Variants in SORCS2 observed in about 807,000 individuals in gnomAD.
SORCS2 encodes the protein VPS10 domain-containing receptor SorCS2.
A neutral mutation model predicts 141.6 loss-of-function variants in SORCS2; 100 were observed. The ratio of observed to expected loss-of-function variants is 0.71; its 90% CI spans 0.60 to 0.83. The LOEUF (loss-of-function observed/expected upper bound fraction) is 0.83. Ranked by LOEUF, SORCS2 falls within the 40% of genes least tolerant of loss-of-function variation. The pLI, the probability that SORCS2 is intolerant of heterozygous loss-of-function variation, is 0.00. For missense variants in SORCS2, 1,646 were observed against 1,560.2 expected, an observed-to-expected ratio of 1.05 and a Z score of -0.93; for synonymous variants, 789 against 676.9, an observed-to-expected ratio of 1.17 and a Z score of -2.57.
chr4:7,693,689 G>A (rs932285863), intron 11 of SORCS2, among the ~76,000 whole-genome samples: 8 of 152,262 alleles, frequency 5.3e-5, no homozygotes, highest in South Asian at 2.1e-4. Context: ...TGAGGGGGCC[G>A]TTTGGGAGCT....
chr4:7,659,934 T>G (rs1426643212), intron 5 of SORCS2, among the ~76,000 whole-genome samples: 1 of 152,214 alleles, frequency 6.6e-6, no homozygotes, highest in African/African-American at 2.4e-5. Context: ...AGAACCTGGG[T>G]AGTGGATCTT....
At chr4:7,639,984 A>G (rs953185779) in intron 4 of SORCS2, among the ~76,000 whole-genome samples, 2 of 148,712 alleles carry the variant, frequency 1.3e-5, no homozygotes, top group Non-Finnish European at 3.0e-5. Context: ...TGTAGATGTG[A>G]GCACGTGTGC....
At chr4:7,546,107 C>T (rs1434965053) in intron 3 of SORCS2, among the ~76,000 whole-genome samples, 1 of 152,216 alleles carries the variant, frequency 6.6e-6, no homozygotes, top group African/African-American at 2.4e-5. Flanking sequence ...AATCCCATCA[C>T]CTTGGGATTA....
At chr4:7,687,130 C>A (rs550341587) in intron 10 of SORCS2, among the ~76,000 whole-genome samples, 20 of 152,300 alleles carry the variant, frequency 1.3e-4, no homozygotes, top group African/African-American at 4.6e-4. Flanking sequence ...GGAGACCAAC[C>A]CATGAGCTCT....
chr4:7,388,542 T>C (rs1168512896), intron 1 of SORCS2, among the ~76,000 whole-genome samples: 1 of 152,182 alleles, frequency 6.6e-6, no homozygotes, highest in African/African-American at 2.4e-5. Context: ...TCCCTCCTGT[T>C]ATCCCTCCCC....
chr4:7,281,020 C>T (rs920828288), intron 1 of SORCS2, among the ~76,000 whole-genome samples: 2 of 152,152 alleles, frequency 1.3e-5, no homozygotes, highest in African/African-American at 4.8e-5. Context: ...TGAGTACAGC[C>T]CTGCCACACC....
chr4:7,418,410 C>A (rs1725831533), intron 2 of SORCS2, among the ~76,000 whole-genome samples: 1 of 152,108 alleles, frequency 6.6e-6, no homozygotes, highest in African/African-American at 2.4e-5. Flanking sequence ...CAGGATGAAT[C>A]TAAGTTAGCC....
intron 1 of SORCS2, among the ~76,000 whole-genome samples, chr4:7,374,912 G>T (rs925732585): frequency 6.6e-6 from 1 of 152,154 alleles, no homozygotes; most frequent in Non-Finnish European, 1.5e-5. Flanking sequence ...GCCTGGAGCT[G>T]GGCTGGAGCT....
intron 5 of SORCS2, among the ~76,000 whole-genome samples, chr4:7,656,700 G>A (rs77814785): frequency 1.2e-4 from 19 of 152,304 alleles, no homozygotes; most frequent in African/African-American, 4.6e-4. Flanking sequence ...TCAGCCCCAC[G>A]CTCACCCAGG....
intron 1 of SORCS2, among the ~76,000 whole-genome samples, chr4:7,262,424 A>G (rs1395148401): frequency 7.5e-6 from 1 of 133,648 alleles, no homozygotes; most frequent in East Asian, 2.2e-4. Flanking sequence ...CCATCCATCC[A>G]TCCATCCATG....
At chr4:7,441,657 T>TTC (rs1727674436) in intron 2 of SORCS2, among the ~76,000 whole-genome samples, 1 of 39,412 alleles carries the variant, frequency 2.5e-5, no homozygotes, top group African/African-American at 1.0e-4. Context: ...CCCCCTCCCC[T>TTC]AGCCCAGATC....
chr4:7,724,612 C>A lies in SORCS2; in HGVS notation c.2612-542C>A, dbSNP rs372901911. 3.4e-3 allele frequency among the ~76,000 whole-genome samples: 157 copies of A among 45,748 alleles called. 11 individuals carry two copies. Among genetic ancestry groups the A allele is most frequent in the Non-Finnish European group, 5.3e-3 (130 of 24,726 alleles). 30.0% of individuals were successfully genotyped at this position (45,748 alleles called of 152,430 possible). A position where few individuals can be genotyped will look rare whatever the true frequency, so the allele number is the denominator to read the frequency against. On this transcript the variant is annotated intron_variant, in intron 19 of 26. Coordinates refer to ENST00000507866, the MANE Select transcript of SORCS2 (RefSeq NM_020777.3). ...GGTGTTGGTGATGGTGGTGATAGTG[C>A]TGGTGAGGATGGTGATGGTGGTGAT...
In SORCS2 at chr4:7,285,570, G is replaced by A. The variant is rs1043571861; in HGVS notation, c.480+92444G>A. Among the ~76,000 whole-genome samples the A allele has an allele frequency of 2.6e-5, 4 of 152,250 alleles. No homozygotes were observed. In the East Asian group the frequency reaches 7.7e-4, roughly 29 times the overall value. On this transcript the variant is annotated intron_variant, in intron 1 of 26. Coordinates refer to ENST00000507866, the MANE Select transcript of SORCS2 (RefSeq NM_020777.3). Reference sequence around the variant, plus strand: ...TCCCTGGAAGACATGGCCTCTGCCAGCCAAGGCGCGAGCCCCTCCTTCCCA... The same window carrying A: ...TCCCTGGAAGACATGGCCTCTGCCAACCAAGGCGCGAGCCCCTCCTTCCCA...
rs190884528 is a variant in SORCS2 at position 7,588,306 on chromosome 4, G to A, written c.649-50022G>A. Among the ~76,000 whole-genome samples the A allele has an allele frequency of 6.7e-4, 102 of 152,292 alleles. 1 individual carries two copies. Among genetic ancestry groups the A allele is most frequent in the South Asian group, 4.8e-3 (23 of 4,824 alleles). On this transcript the variant is annotated intron_variant, in intron 3 of 26. Transcript: ENST00000507866. ...TGCCCTTGGTTTTCTTGAGGCTGAT[G>A]GAACTTTCATGCGGTTGTTGGTTTT... is the stretch of plus-strand genomic sequence containing the variant.
chr4:7,709,221 G>A (rs558215331), intron 14 of SORCS2, among the ~76,000 whole-genome samples: 9 of 152,292 alleles, frequency 5.9e-5, no homozygotes, highest in Admixed American at 2.0e-4. Flanking sequence ...GGGTGAGGGC[G>A]GCCCTTACTC....
chr4:7,299,193 G>T (rs566518661), intron 1 of SORCS2, among the ~76,000 whole-genome samples: 32 of 152,384 alleles, frequency 2.1e-4, no homozygotes, highest in African/African-American at 7.2e-4. Context: ...GGGGCTGGGG[G>T]TGGGCCCCCT....
intron 2 of SORCS2, among the ~76,000 whole-genome samples, chr4:7,490,834 G>A (rs1731272694): frequency 6.6e-6 from 1 of 152,060 alleles, no homozygotes; most frequent in African/African-American, 2.4e-5. Context: ...ACTCCTCCCA[G>A]GCCTGCTTCT....
chr4:7,305,322 C>T (rs545952345), intron 1 of SORCS2, among the ~76,000 whole-genome samples: 7 of 148,046 alleles, frequency 4.7e-5, no homozygotes, highest in Middle Eastern at 3.5e-3. Flanking sequence ...TGAGCCACCA[C>T]GCACGGCCCA....
intron 2 of SORCS2, among the ~76,000 whole-genome samples, chr4:7,494,465 C>T (rs1452157843): frequency 6.6e-6 from 1 of 151,944 alleles, no homozygotes; most frequent in African/African-American, 2.4e-5. Context: ...TGGTGTGGGC[C>T]TCTTCCTGGC....
Sources: gnomAD v4.1 joint callset for allele counts (sites outside exome capture counted in the v4.1 genomes callset) on GRCh38, gnomAD v4.1.1 for gene constraint, MANE v1.5 for transcripts, NCBI Gene and HGNC (gene_info 2026-07-23, HGNC 2026-07-21) for gene names.